The following CSMD2 variants were observed in gnomAD, a reference collection of about 807,000 sequenced individuals.
CSMD2 encodes CUB and Sushi multiple domains 2.
Under a neutral mutation model 398.5 loss-of-function variants are expected in CSMD2, and 130 were observed. That is an observed-to-expected ratio of 0.33 (90% CI 0.28 to 0.38). CSMD2 has a LOEUF of 0.38. Ranked by LOEUF, CSMD2 falls within the 10% of genes least tolerant of loss-of-function variation. The pLI, the probability that CSMD2 is intolerant of heterozygous loss-of-function variation, is 1.00. For missense variants in CSMD2, 3,829 were observed against 4,764.9 expected (o/e 0.80, Z 5.78); for synonymous variants, 1,828 against 1,908.5 (o/e 0.96, Z 1.10).
chr1:33,843,438 G>C (rs6425851), intron 6 of CSMD2, among the ~76,000 whole-genome samples: 113,295 of 152,216 alleles, frequency 0.74, 42,490 homozygotes, highest in East Asian at 0.9. Context: ...AAAAATCTCT[G>C]TCAATACCAT....
intron 13 of CSMD2, among the ~76,000 whole-genome samples, chr1:33,752,249 T>C (rs776422573): frequency 9.2e-5 from 14 of 152,218 alleles, no homozygotes; most frequent in Non-Finnish European, 1.5e-5. Flanking sequence ...ATGTTTGAGG[T>C]TGGGCCTGGT....
At chr1:33,734,241 G>C (rs995467656) in intron 15 of CSMD2, among the ~76,000 whole-genome samples, 1 of 151,056 alleles carries the variant, frequency 6.6e-6, no homozygotes, top group African/African-American at 2.4e-5. Context: ...ATGTGGATGT[G>C]TTTATACCAA....
rs756480365 is a variant in CSMD2 at position 34,004,462 on chromosome 1, TTTTTG to T, written c.517+28127_517+28131del. ...AGCTTTACCTAGTAATCAAGGTTTT[TTTTTG>T]TTTGTTTGTTTTTGTTTTTTGCCAG... is the stretch of plus-strand genomic sequence containing the variant. On this transcript the variant is annotated intron_variant, in intron 3 of 70. Transcript: ENST00000373381. Among the ~76,000 whole-genome samples, 17 of 152,278 alleles carry T rather than the reference TTTTTG, an allele frequency of 1.1e-4. No homozygotes were observed. The South Asian group carries it at 1.2e-3, about 11-fold the overall frequency.
At chr1:34,105,830 G>A (rs1356954061) in intron 1 of CSMD2, among the ~76,000 whole-genome samples, 1 of 152,132 alleles carries the variant, frequency 6.6e-6, no homozygotes, top group Non-Finnish European at 1.5e-5. Context: ...AATGTTCTAT[G>A]GAAATATCTG....
chr1:33,852,550 C>T (rs141335538), intron 5 of CSMD2, among the ~76,000 whole-genome samples: 47 of 152,346 alleles, frequency 3.1e-4, no homozygotes, highest in Non-Finnish European at 6.0e-4. Context: ...TATCACTGAT[C>T]CTATAAACCT....
chr1:33,810,891 T>C (rs1441384413), intron 9 of CSMD2, 27 bp from the exon 10 acceptor site: 6 of 1,606,696 alleles, frequency 3.7e-6, no homozygotes, highest in Non-Finnish European at 5.1e-6. Context: ...AGACAAGCCT[T>C]TGAATTAAGA....
chr1:33,585,149 T>C (rs1187155227), intron 46 of CSMD2, among the ~76,000 whole-genome samples: 2 of 152,214 alleles, frequency 1.3e-5, no homozygotes, highest in African/African-American at 4.8e-5. Flanking sequence ...ACAATAGTTG[T>C]AAGTATTCTT....
chr1:33,770,130 T>C (rs1265783592), intron 13 of CSMD2, among the ~76,000 whole-genome samples: 1 of 152,212 alleles, frequency 6.6e-6, no homozygotes, highest in Non-Finnish European at 1.5e-5. Flanking sequence ...GTATTTATTG[T>C]GGGAAATGTG....
chr1:33,730,795 T>C (rs1269325529), intron 15 of CSMD2, among the ~76,000 whole-genome samples: 1 of 152,034 alleles, frequency 6.6e-6, no homozygotes, highest in Non-Finnish European at 1.5e-5. Context: ...TTAAAGAAGT[T>C]AAGTAAAAAA....
chr1:33,603,186 T>C (rs1640345410), intron 42 of CSMD2, among the ~76,000 whole-genome samples: 1 of 152,138 alleles, frequency 6.6e-6, no homozygotes, highest in South Asian at 2.1e-4. Context: ...AGGCAAAATG[T>C]TCAGCCCAGG....
chr1:34,164,094 G>GC lies in CSMD2; in HGVS notation c.187+816dup, dbSNP rs1641624766. Among the ~76,000 whole-genome samples the GC allele has an allele frequency of 6.6e-6, 1 of 152,122 alleles. No individual in the cohort carries two copies. Among genetic ancestry groups the GC allele is most frequent in the Admixed American group, 6.5e-5 (1 of 15,282 alleles). On this transcript the variant is annotated intron_variant, in intron 1 of 70. Coordinates refer to ENST00000373381, the MANE Select transcript of CSMD2 (RefSeq NM_001281956.2). This position sits in a 1 kb window ranked among gnomAD's most constrained non-coding sequence, Gnocchi z 6.2. The stretch of plus-strand genomic sequence containing the variant: ...CCGCTGCCGCTGCCGCAGCCGAGGC[G>GC]CTCGGCTGCAGCAGGGCGCGGGAAA...
intron 19 of CSMD2, among the ~76,000 whole-genome samples, chr1:33,718,674 C>G (rs1490199561): frequency 6.6e-6 from 1 of 152,250 alleles, no homozygotes; most frequent in Non-Finnish European, 1.5e-5. Context: ...GAATCAGAAT[C>G]TGCATGCTCT....
At chr1:33,894,370 CT>C (rs1407822739) in intron 5 of CSMD2, among the ~76,000 whole-genome samples, 1 of 152,180 alleles carries the variant, frequency 6.6e-6, no homozygotes, top group African/African-American at 2.4e-5. Context: ...TGCTCGAAGG[CT>C]TTTTTCCCCC....
chr1:33,826,103 A>G (rs374013959), intron 6 of CSMD2, among the ~76,000 whole-genome samples: 43 of 152,334 alleles, frequency 2.8e-4, no homozygotes, highest in African/African-American at 9.6e-4. Flanking sequence ...CCTGCTCCTC[A>G]GCAAACTTTT....
At chr1:33,807,758 A>G (rs1656389631) in intron 10 of CSMD2, among the ~76,000 whole-genome samples, 1 of 152,172 alleles carries the variant, frequency 6.6e-6, no homozygotes. Context: ...GCATATTGCT[A>G]TTTCTAGAGT....
chr1:33,743,173 G>T lies in CSMD2; in HGVS notation c.2173+107C>A, dbSNP rs553829439. The T allele has an allele frequency of 3.3e-6, 3 of 912,716 alleles. No homozygotes were observed. The Admixed American group carries it at 8.4e-5, about 26-fold the overall frequency. 56.5% of individuals were successfully genotyped at this position (912,716 alleles called of 1,614,324 possible). ...GCACTGCAGCCCTGCAATGCCCTGG[G>T]AACTGCCCCATCCACACCTCCTCCT... On this transcript the variant is annotated intron_variant, in intron 14 of 70. Transcript: ENST00000373381.
chr1:33,885,523 C>T (rs1452490828), intron 5 of CSMD2: 2 of 152,242 alleles, frequency 1.3e-5, no homozygotes, highest in East Asian at 3.9e-4. Flanking sequence ...GAGAGAAACG[C>T]AGGGGTCCCT....
chr1:33,620,116 T>C (rs1393051275), intron 37 of CSMD2, among the ~76,000 whole-genome samples: 4 of 152,346 alleles, frequency 2.6e-5, no homozygotes, highest in South Asian at 2.1e-4. Context: ...GCTACACAGA[T>C]TGATTTTATT....
At chr1:33,860,537 C>T (rs1275475477) in intron 5 of CSMD2, 1 of 152,150 alleles carries the variant, frequency 6.6e-6, no homozygotes, top group Non-Finnish European at 1.5e-5. Flanking sequence ...ATGTTCTATT[C>T]ATTAGTAGTG....
Sources: allele counts gnomAD v4.1 joint callset (sites outside exome capture counted in the v4.1 genomes callset), GRCh38; gene constraint gnomAD v4.1.1; non-coding constraint Gnocchi (gnomAD v3.1); transcripts MANE v1.5; gene names NCBI Gene and HGNC (gene_info 2026-07-23, HGNC 2026-07-21).